CACNA2D3: variants seen among roughly 807,000 people sequenced by gnomAD.
CACNA2D3 encodes voltage-dependent calcium channel subunit alpha-2/delta-3.
A neutral mutation model predicts 160.6 loss-of-function variants in CACNA2D3; 60 were observed. That is an observed-to-expected ratio of 0.37 (90% confidence interval 0.30 to 0.46). The LOEUF (loss-of-function observed/expected upper bound fraction) is 0.46, where lower values mean the gene tolerates loss of function less well. Among genes scored for constraint, CACNA2D3 ranks in the 20% least tolerant of loss-of-function variants. The pLI is 1.00. For synonymous variants in CACNA2D3, 558 were observed against 492.9 expected (o/e 1.13, Z -1.75); for missense variants, 1,205 against 1,365.0 (o/e 0.88, Z 1.85).
intron 11 of CACNA2D3, among the ~76,000 whole-genome samples, chr3:54,703,937 A>G (rs577718512): frequency 6.6e-6 from 1 of 152,206 alleles, no homozygotes; most frequent in Non-Finnish European, 1.5e-5. Context: ...CCCTACCTCT[A>G]CCCCTAGTTA....
rs1700966377 is a variant in CACNA2D3, at chr3:54,924,911, A to C, written c.2449+25043A>C. 6.2e-7 allele frequency: 1 copy of C among 1,613,326 alleles called. No homozygotes were observed. The highest frequency in any genetic ancestry group is 1.3e-5 in the African/African-American group (1 of 74,892). On this transcript the variant is annotated intron_variant, in intron 27 of 37. Coordinates refer to ENST00000474759, the MANE Select transcript of CACNA2D3 (RefSeq NM_018398.3). ...GGGAAAGGAGTGAATTCTGGGTTAGATTTAAAACCTGCAAGTGCTGAAGCC... is the reference window on the plus strand; with the variant it reads ...GGGAAAGGAGTGAATTCTGGGTTAGCTTTAAAACCTGCAAGTGCTGAAGCC...
chr3:54,234,684 A>G (rs1452475218), intron 2 of CACNA2D3, among the ~76,000 whole-genome samples: 1 of 152,236 alleles, frequency 6.6e-6, no homozygotes, highest in Non-Finnish European at 1.5e-5. Flanking sequence ...AGCCATATAA[A>G]AGAATGAGAT....
intron 13 of CACNA2D3, among the ~76,000 whole-genome samples, chr3:54,778,771 T>A (rs1000312917): frequency 5.9e-5 from 9 of 152,156 alleles, no homozygotes; most frequent in Non-Finnish European, 1.2e-4. Flanking sequence ...CATGTGAAAA[T>A]ATCTGCGTTT....
At chr3:54,866,343 T>C (rs1388684394) in intron 17 of CACNA2D3, among the ~76,000 whole-genome samples, 11 of 152,072 alleles carry the variant, frequency 7.2e-5, no homozygotes, top group Non-Finnish European at 1.0e-4. Context: ...CCTTGAGCCT[T>C]GGGGAGGAGA....
chr3:54,742,511 G>T (rs952014142), intron 11 of CACNA2D3, among the ~76,000 whole-genome samples: 19 of 152,144 alleles, frequency 1.2e-4, no homozygotes, highest in Non-Finnish European at 2.5e-4. Context: ...TCAATATGGG[G>T]GTATCCAATT....
At chr3:54,780,598 C>T (rs994755822) in intron 13 of CACNA2D3, among the ~76,000 whole-genome samples, 1 of 152,176 alleles carries the variant, frequency 6.6e-6, no homozygotes, top group African/African-American at 2.4e-5. Context: ...CATGAAGCTT[C>T]TTTAGCATTA....
intron 35 of CACNA2D3, among the ~76,000 whole-genome samples, chr3:55,033,661 G>T: frequency 2.8e-5 from 3 of 107,072 alleles, no homozygotes; most frequent in Admixed American, 1.1e-4. Context: ...ATATAAAATA[G>T]ATATATAAAA....
intron 25 of CACNA2D3, among the ~76,000 whole-genome samples, chr3:54,892,176 C>G (rs1305220175): frequency 6.6e-6 from 1 of 152,174 alleles, no homozygotes; most frequent in Admixed American, 6.5e-5. Flanking sequence ...TTCTCTGAAG[C>G]AAGAGCGATT....
chr3:54,755,146 C>A (rs1701947790), intron 12 of CACNA2D3, among the ~76,000 whole-genome samples: 1 of 152,210 alleles, frequency 6.6e-6, no homozygotes, highest in African/African-American at 2.4e-5. Flanking sequence ...GTATTTATAT[C>A]TTTTCCGTTT....
At chr3:54,824,346 C>T (rs888812621) in intron 14 of CACNA2D3, among the ~76,000 whole-genome samples, 11 of 152,170 alleles carry the variant, frequency 7.2e-5, no homozygotes, top group African/African-American at 2.2e-4. Context: ...CAACATGAGC[C>T]TCAGTCAGTA....
rs1559469603 is a variant in CACNA2D3, at chr3:55,033,830, A to ATATGTATTATATATTAAATATATTTT, written c.2987+15516_2987+15517insGTATTATATATTAAATATATTTTTAT. Among the ~76,000 whole-genome samples the ATATGTATTATATATTAAATATATTTT allele has an allele frequency of 2.9e-4, 14 of 47,906 alleles. 4 individuals are homozygous for ATATGTATTATATATTAAATATATTTT. The highest frequency in any genetic ancestry group is 1.0e-3 in the South Asian group (2 of 1,960). The allele number at this position is 47,906 out of a possible 152,430, so 31.4% of individuals were successfully genotyped here. On this transcript the variant is annotated intron_variant, in intron 35 of 37. Transcript: ENST00000474759. Reference sequence around the variant, plus strand: ...ATGTATTATATATTAAATATATTTAATATATAATATATATTACATATTAAA... The same window carrying ATATGTATTATATATTAAATATATTTT: ...ATGTATTATATATTAAATATATTTAATATGTATTATATATTAAATATATTTTTATATAATATATATTACATATTAAA...
At chr3:55,073,066 G>T (rs1014912527) in intron 35 of CACNA2D3, among the ~76,000 whole-genome samples, 1 of 152,162 alleles carries the variant, frequency 6.6e-6, no homozygotes. Flanking sequence ...CCACTTAGAG[G>T]AACATCAAAT....
intron 5 of CACNA2D3, among the ~76,000 whole-genome samples, chr3:54,506,376 G>A (rs1436865349): frequency 1.3e-5 from 2 of 152,104 alleles, no homozygotes. Context: ...GACTTCTGTG[G>A]GCATATACCA....
At chr3:55,069,010 T>C (rs1704737383) in intron 35 of CACNA2D3, among the ~76,000 whole-genome samples, 1 of 152,236 alleles carries the variant, frequency 6.6e-6, no homozygotes, top group Non-Finnish European at 1.5e-5. Flanking sequence ...CATTATTTGA[T>C]ATTATCATAG....
chr3:54,792,460 A>G (rs1426159674), intron 13 of CACNA2D3, among the ~76,000 whole-genome samples: 1 of 152,160 alleles, frequency 6.6e-6, no homozygotes, highest in East Asian at 1.9e-4. Flanking sequence ...AATCAATTGA[A>G]TCATAAAACT....
intron 4 of CACNA2D3, among the ~76,000 whole-genome samples, chr3:54,460,944 C>T (rs1296954166): frequency 3.9e-5 from 6 of 152,078 alleles, no homozygotes; most frequent in South Asian, 4.1e-4. Flanking sequence ...TTTTGAGATA[C>T]GTCCCATCAG....
chr3:54,830,207 T>C (rs1703843952), intron 14 of CACNA2D3, among the ~76,000 whole-genome samples: 1 of 152,134 alleles, frequency 6.6e-6, no homozygotes, highest in South Asian at 2.1e-4. Flanking sequence ...CCTCCCAAAG[T>C]GCTGGGATTA....
intron 3 of CACNA2D3, among the ~76,000 whole-genome samples, chr3:54,385,280 A>G (rs1230074371): frequency 1.3e-5 from 2 of 152,158 alleles, no homozygotes; most frequent in African/African-American, 4.8e-5. Flanking sequence ...GTGGGTCTGC[A>G]CTTTGGGAAG....
chr3:55,052,875 T>C (rs1448064892), intron 35 of CACNA2D3, among the ~76,000 whole-genome samples: 1 of 152,144 alleles, frequency 6.6e-6, no homozygotes, highest in East Asian at 1.9e-4. Context: ...TCAGTATGCT[T>C]ACAATTAATG....
Sources: gnomAD v4.1 joint callset for allele counts (sites outside exome capture counted in the v4.1 genomes callset) on GRCh38, gnomAD v4.1.1 for gene constraint, MANE v1.5 for transcripts, NCBI Gene and HGNC (gene_info 2026-07-23, HGNC 2026-07-21) for gene names.